PPM1E: variants seen among roughly 807,000 people sequenced by gnomAD.
PPM1E encodes protein phosphatase 1E.
In PPM1E, 20 loss-of-function variants were observed where a neutral mutation model predicts 65.9. The ratio of observed to expected loss-of-function variants is 0.30; its 90% confidence interval spans 0.21 to 0.44. The LOEUF (loss-of-function observed/expected upper bound fraction) is 0.44. PPM1E is among the 20% of genes least tolerant of loss of function. The pLI is 1.00. For synonymous variants in PPM1E, 352 were observed against 374.9 expected, an observed-to-expected ratio of 0.94 and a Z score of 0.70; for missense variants, 713 against 953.1, an observed-to-expected ratio of 0.75 and a Z score of 3.32.
chr17:58,781,783 G>C (rs1032931960), intron 1 of PPM1E, among the ~76,000 whole-genome samples: 17 of 151,880 alleles, frequency 1.1e-4, no homozygotes, highest in Non-Finnish European at 2.2e-4. Context: ...GTACTCGGGA[G>C]GCTGAGGCAG....
chr17:58,796,340 C>T (rs771527326), intron 1 of PPM1E, among the ~76,000 whole-genome samples: 8 of 152,134 alleles, frequency 5.3e-5, no homozygotes, highest in Non-Finnish European at 1.0e-4. Context: ...CCATCCTGCC[C>T]GGCTTGGTTT....
In PPM1E at chr17:58,756,398, G is replaced by T. The variant is rs775507906; in HGVS notation, c.401G>T (p.Arg134Leu). The stretch of plus-strand genomic sequence containing the variant: ...CCGCTCCCGCGACCGCTGTCAGAGC[G>T]CATCACCCGCGAGGAGGTGGAGGGC... ...LPPLPRPLSERITREEVEGES... is the reference protein window; with the variant it reads ...LPPLPRPLSELITREEVEGES... The change falls in exon 1 of 7, where the codon CGC becomes CTC. Residue 134 changes from arginine (R) to leucine (L), a missense_variant. Around this residue, in one of 6 missense-constraint regions of PPM1E, gnomAD observed 212 missense variants for 204.0 expected, o/e 1.04. Coordinates refer to ENST00000308249, the MANE Select transcript of PPM1E (RefSeq NM_014906.5). 1.5e-5 allele frequency: 21 copies of T among 1,362,028 alleles called. No homozygotes were observed. The highest frequency in any genetic ancestry group is 1.7e-5 in the Non-Finnish European group (18 of 1,060,614). The allele number at this position is 1,362,028 out of a possible 1,614,324, so 84.4% of individuals were successfully genotyped here. A position where few individuals can be genotyped will look rare whatever the true frequency, so the allele number is the denominator to read the frequency against.
At chr17:58,962,314 C>T (rs2030058530) in intron 2 of PPM1E, among the ~76,000 whole-genome samples, 1 of 151,262 alleles carries the variant, frequency 6.6e-6, no homozygotes, top group Non-Finnish European at 1.5e-5. Flanking sequence ...AATGTAACCA[C>T]ATGTAGTTAG....
At chr17:58,821,601 A>C (rs951291761) in intron 1 of PPM1E, among the ~76,000 whole-genome samples, 1 of 152,244 alleles carries the variant, frequency 6.6e-6, no homozygotes, top group Non-Finnish European at 1.5e-5. Context: ...AGCTTACGGC[A>C]GGGCAGGAAC....
At chr17:58,963,211 C>A (rs2030095246) in intron 2 of PPM1E, among the ~76,000 whole-genome samples, 2 of 149,296 alleles carry the variant, frequency 1.3e-5, no homozygotes, top group Non-Finnish European at 3.0e-5. Flanking sequence ...ATGGTGAAAC[C>A]CCGTCTCTAC....
At chr17:58,825,215 C>T (rs551251549) in intron 1 of PPM1E, among the ~76,000 whole-genome samples, 3 of 106,414 alleles carry the variant, frequency 2.8e-5, no homozygotes, top group African/African-American at 1.2e-4. Flanking sequence ...TTGATTCTCA[C>T]ACACACACTC....
At chr17:58,901,191 G>A (rs1468302563) in intron 1 of PPM1E, among the ~76,000 whole-genome samples, 1 of 152,110 alleles carries the variant, frequency 6.6e-6, no homozygotes, top group Non-Finnish European at 1.5e-5. Flanking sequence ...AAAGTTTGAT[G>A]TGGTTAAATC....
At chr17:58,822,124 A>G (rs1299040494) in intron 1 of PPM1E, among the ~76,000 whole-genome samples, 1 of 152,152 alleles carries the variant, frequency 6.6e-6, no homozygotes, top group Non-Finnish European at 1.5e-5. Context: ...GAGGATTACT[A>G]AAACAAGAGA....
At chr17:58,823,587 A>G (rs2050502229) in intron 1 of PPM1E, among the ~76,000 whole-genome samples, 1 of 152,138 alleles carries the variant, frequency 6.6e-6, no homozygotes, top group Non-Finnish European at 1.5e-5. Flanking sequence ...CCCTTAGGAA[A>G]TTGTGTTTTG....
At chr17:58,769,171 C>T (rs2049911397) in intron 1 of PPM1E, among the ~76,000 whole-genome samples, 1 of 152,014 alleles carries the variant, frequency 6.6e-6, no homozygotes, top group Non-Finnish European at 1.5e-5. Flanking sequence ...TTAAATTTTT[C>T]AATTTCATTA....
chr17:58,818,157 A>AGCATTATG (rs143673469), intron 1 of PPM1E, among the ~76,000 whole-genome samples: 1,696 of 152,332 alleles, frequency 0.011, 37 homozygotes, highest in African/African-American at 0.039. Context: ...ATAGCAGTTA[A>AGCATTATG]GCATTATGGA....
intron 1 of PPM1E, among the ~76,000 whole-genome samples, chr17:58,926,454 T>A (rs908565385): frequency 7.2e-5 from 11 of 152,214 alleles, no homozygotes; most frequent in African/African-American, 1.9e-4. Context: ...TTATATTTTT[T>A]AATTTTTAAT....
rs192780277 is a variant in PPM1E, at chr17:58,896,198, T to C, written c.465-59451T>C. Among the ~76,000 whole-genome samples, 545 of 152,122 alleles carry C rather than the reference T, an allele frequency of 3.6e-3. 3 individuals carry two copies. The highest frequency in any genetic ancestry group is 5.1e-3 in the Non-Finnish European group (348 of 67,998). ...AGTTTTAGTGGTCTGAAGAGAAGAT[T>C]GAACCAGAAGCAAAATTCCCTTAAG... is the stretch of plus-strand genomic sequence containing the variant. On this transcript the variant is annotated intron_variant, in intron 1 of 6. Transcript: ENST00000308249.
At chr17:58,831,588 C>T (rs1256035384) in intron 1 of PPM1E, among the ~76,000 whole-genome samples, 2 of 152,120 alleles carry the variant, frequency 1.3e-5, no homozygotes, top group Non-Finnish European at 2.9e-5. Flanking sequence ...TGTATAATTT[C>T]AATGAATTGC....
intron 1 of PPM1E, among the ~76,000 whole-genome samples, chr17:58,768,716 C>A (rs2049906966): frequency 6.6e-6 from 1 of 152,142 alleles, no homozygotes; most frequent in South Asian, 2.1e-4. Context: ...GTTGCCCAGG[C>A]TGGAGTGCAA....
At chr17:58,868,683 A>T (rs984147898) in intron 1 of PPM1E, among the ~76,000 whole-genome samples, 2 of 151,460 alleles carry the variant, frequency 1.3e-5, no homozygotes, top group Admixed American at 6.6e-5. Context: ...GTAAACTCAT[A>T]ACCTTATTTG....
chr17:58,768,634 A>T (rs942194466), intron 1 of PPM1E, among the ~76,000 whole-genome samples: 1 of 152,196 alleles, frequency 6.6e-6, no homozygotes, highest in African/African-American at 2.4e-5. Context: ...AAAGAAAAGA[A>T]AAAGTTAACA....
At chr17:58,879,037 G>A (rs548196422) in intron 1 of PPM1E, among the ~76,000 whole-genome samples, 1 of 152,092 alleles carries the variant, frequency 6.6e-6, no homozygotes, top group Admixed American at 6.5e-5. Flanking sequence ...TGCTAGAGAT[G>A]ACAGTAGGAT....
At chr17:58,757,101 C>A (rs1378573797) in intron 1 of PPM1E, among the ~76,000 whole-genome samples, 1 of 152,170 alleles carries the variant, frequency 6.6e-6, no homozygotes, top group South Asian at 2.1e-4. Context: ...GAAGCCTAGT[C>A]TCTTAGTTTA....
Sources: gnomAD v4.1 joint callset for allele counts (sites outside exome capture counted in the v4.1 genomes callset) on GRCh38, gnomAD v4.1.1 for gene constraint, gnomAD v4.1.1 regional missense constraint, MANE v1.5 for transcripts, NCBI Gene and HGNC (gene_info 2026-07-23, HGNC 2026-07-21) for gene names.